BCAS3: variants seen among roughly 807,000 people sequenced by gnomAD.
BCAS3 encodes BCAS4/BCAS3 fusion.
In BCAS3, 53 loss-of-function variants were observed where a neutral mutation model predicts 116.1. The observed-to-expected ratio is 0.46, with a 90% CI of 0.37 to 0.57. The LOEUF (loss-of-function observed/expected upper bound fraction) is 0.57. Among genes scored for constraint, BCAS3 ranks in the 20% least tolerant of loss-of-function variants. The pLI is 0.00. For missense variants in BCAS3, 917 were observed against 1,165.4 expected (o/e 0.79, Z 3.10); for synonymous variants, 391 against 408.2 (o/e 0.96, Z 0.51).
intron 14 of BCAS3, among the ~76,000 whole-genome samples, chr17:60,989,366 T>C (rs2063376645): frequency 6.6e-6 from 1 of 152,218 alleles, no homozygotes; most frequent in Admixed American, 6.5e-5. Context: ...AAATTCAATT[T>C]GCTAATTCAG....
chr17:61,052,459 G>A (rs1267205629), intron 19 of BCAS3, among the ~76,000 whole-genome samples: 7 of 152,136 alleles, frequency 4.6e-5, no homozygotes, highest in South Asian at 4.2e-4. Flanking sequence ...TAGGCAGCAC[G>A]ACGTGTTAGA....
At chr17:61,072,362 G>A (rs946399557) in intron 19 of BCAS3, among the ~76,000 whole-genome samples, 1 of 151,982 alleles carries the variant, frequency 6.6e-6, no homozygotes, top group Non-Finnish European at 1.5e-5. Flanking sequence ...CTTCATCCCT[G>A]CACTGGGTTA....
intron 14 of BCAS3, among the ~76,000 whole-genome samples, chr17:60,976,020 C>CTTTTTTTTTTTTTTGTTTTTT (rs2062330872): frequency 1.0e-5 from 1 of 98,286 alleles, no homozygotes; most frequent in Non-Finnish European, 1.8e-5. Flanking sequence ...TAGATTTTTG[C>CTTTTTTTTTTTTTTGTTTTTT]TTTTTTTTTT....
At position 61,203,221 on chromosome 17, in the gene BCAS3, G is replaced by A. The variant is rs778616241; in HGVS notation, c.2425+118657G>A. 1.3e-5 allele frequency among the ~76,000 whole-genome samples: 2 copies of A among 151,946 alleles called. No homozygotes were observed. Among genetic ancestry groups the A allele is most frequent in the Non-Finnish European group, 2.9e-5 (2 of 68,006 alleles). On this transcript the variant is annotated intron_variant, in intron 22 of 23. Transcript: ENST00000407086. This position sits in a 1 kb window ranked among gnomAD's most constrained non-coding sequence, Gnocchi z 5.7. The stretch of plus-strand genomic sequence containing the variant: ...CACTCAGGCTGGAGTACAATGGCAC[G>A]ATCTTGGCTCACTGCAGCCTCTACT...
chr17:61,183,765 G>A (rs1299525005), intron 22 of BCAS3, among the ~76,000 whole-genome samples: 1 of 152,244 alleles, frequency 6.6e-6, no homozygotes, highest in Non-Finnish European at 1.5e-5. Context: ...AGATAGAAAG[G>A]TGGCTAAATT....
intron 19 of BCAS3, among the ~76,000 whole-genome samples, chr17:61,049,354 T>C (rs936840297): frequency 2.0e-5 from 3 of 151,732 alleles, no homozygotes. Flanking sequence ...ATTAGTGAAC[T>C]TGAAGATAGA....
At chr17:61,245,947 G>C (rs140741600) in intron 22 of BCAS3, among the ~76,000 whole-genome samples, 12 of 152,164 alleles carry the variant, frequency 7.9e-5, no homozygotes, top group Admixed American at 2.6e-4. Flanking sequence ...GAAGCTGGAA[G>C]GTCACCTCCC....
chr17:60,767,824 G>A (rs908699666), intron 6 of BCAS3, among the ~76,000 whole-genome samples: 8 of 151,970 alleles, frequency 5.3e-5, no homozygotes, highest in African/African-American at 1.4e-4. Flanking sequence ...CTTTAGAGAC[G>A]GGGTCTCACT....
chr17:61,389,245 T>G (rs2060009254), intron 23 of BCAS3: 1 of 153,504 alleles, frequency 6.5e-6, no homozygotes, highest in African/African-American at 2.4e-5. Context: ...TCTGGGGCTT[T>G]GTAGAGCAAG....
At chr17:61,069,853 A>AG (rs2071137660) in intron 19 of BCAS3, 1 of 867,914 alleles carries the variant, frequency 1.2e-6, no homozygotes, top group Admixed American at 2.1e-5. Flanking sequence ...AAAAAAAAAA[A>AG]AAGACCCTTT....
At chr17:60,825,562 A>C (rs2063267878) in intron 7 of BCAS3, among the ~76,000 whole-genome samples, 1 of 142,970 alleles carries the variant, frequency 7.0e-6, no homozygotes, top group Admixed American at 7.0e-5. Context: ...ATAATAATTT[A>C]TAAATAATTA....
intron 19 of BCAS3, among the ~76,000 whole-genome samples, chr17:61,048,322 C>T (rs996930170): frequency 2.0e-4 from 31 of 152,064 alleles, no homozygotes; most frequent in African/African-American, 6.3e-4. Context: ...GTTTTCAAGT[C>T]ATCTGACATT....
Position 61,196,646 on chromosome 17 carries a change from A to C in BCAS3, c.2425+112082A>C, listed in dbSNP as rs897557229. 6.6e-6 allele frequency among the ~76,000 whole-genome samples: 1 copy of C among 152,198 alleles called. No homozygotes were observed. Among genetic ancestry groups the C allele is most frequent in the African/African-American group, 2.4e-5 (1 of 41,454 alleles). ...TTCGAATTAGAAATGAAAAGAGGAG[A>C]GGAAAGGGAAAAGGAAGAAAGCCTA... On this transcript the variant is annotated intron_variant, in intron 22 of 23. Coordinates refer to ENST00000407086, the MANE Select transcript of BCAS3 (RefSeq NM_017679.5). The surrounding 1 kb of genome is among the most constrained non-coding windows in gnomAD (Gnocchi z 4.7).
chr17:61,115,675 C>G (rs1446919892), intron 22 of BCAS3, among the ~76,000 whole-genome samples: 11 of 139,736 alleles, frequency 7.9e-5, no homozygotes, highest in African/African-American at 2.9e-4. Flanking sequence ...TTGTGGAAGT[C>G]AGTGTGGCGA....
Position 60,990,093 on chromosome 17 carries a change from A to C in BCAS3, c.1344A>C (p.Ser448=). ...AGCCTTGTGTTCGTACACATATGTC[A>C]CCACGAGTAGTGAATCGCATGAGCC... is the stretch of plus-strand genomic sequence containing the variant. ...GGQPCVRTHM[S]PRVVNRMSRF... The change falls in exon 15 of 24, where the codon TCA becomes TCC. Residue 448 remains serine, a synonymous_variant. Transcript: ENST00000407086. This position sits in a 1 kb window ranked among gnomAD's most constrained non-coding sequence, Gnocchi z 5.1. The C allele has an allele frequency of 6.2e-7, 1 of 1,614,204 alleles. No homozygotes were observed. Among genetic ancestry groups the C allele is most frequent in the Non-Finnish European group, 8.5e-7 (1 of 1,180,040 alleles).
intron 22 of BCAS3, among the ~76,000 whole-genome samples, chr17:61,172,958 A>G (rs964803661): frequency 6.6e-6 from 1 of 151,332 alleles, no homozygotes; most frequent in Non-Finnish European, 1.5e-5. Flanking sequence ...ACTGCACTCC[A>G]GCCTGGGCGA....
intron 5 of BCAS3, among the ~76,000 whole-genome samples, chr17:60,725,812 A>G (rs1357620725): frequency 1.3e-5 from 2 of 152,132 alleles, no homozygotes; most frequent in Non-Finnish European, 2.9e-5. Context: ...GCCCCCAAAG[A>G]ATGACAGGAT....
In BCAS3 at chr17:60,909,932, AT is replaced by A. The variant is rs1298440279; in HGVS notation, c.823-597del. 2.6e-5 allele frequency among the ~76,000 whole-genome samples: 4 copies of A among 152,176 alleles called. No homozygotes were observed. The East Asian group carries it at 7.7e-4, about 29-fold the overall frequency. On this transcript the variant is annotated intron_variant, in intron 11 of 23. Transcript: ENST00000407086. ...AGATAGAAAATAACTCTCTTAACTAATTTAGTATGATACTTCATTCATCCAG... is the reference window on the plus strand; with the variant it reads ...AGATAGAAAATAACTCTCTTAACTAATTAGTATGATACTTCATTCATCCAG...
chr17:61,153,588 T>C (rs908510705), intron 22 of BCAS3, among the ~76,000 whole-genome samples: 14 of 152,240 alleles, frequency 9.2e-5, no homozygotes, highest in Admixed American at 2.0e-4. Context: ...TTGTTACTTT[T>C]AAATGGACTA....
Sources: gnomAD v4.1 joint callset for allele counts (sites outside exome capture counted in the v4.1 genomes callset) on GRCh38, gnomAD v4.1.1 for gene constraint, Gnocchi (gnomAD v3.1) non-coding constraint, MANE v1.5 for transcripts, NCBI Gene and HGNC (gene_info 2026-07-23, HGNC 2026-07-21) for gene names.